Variants in LRCH1 observed in about 807,000 individuals in gnomAD.
LRCH1 encodes leucine rich repeats and calponin homology domain containing 1, also known as leucine-rich repeat and calponin homology domain-containing protein 1.
In LRCH1, 23 loss-of-function variants were observed where a neutral mutation model predicts 94.9. The ratio of observed to expected loss-of-function variants is 0.24; its 90% confidence interval spans 0.17 to 0.34. The LOEUF is 0.34. Among genes scored for constraint, LRCH1 ranks in the 10% least tolerant of loss-of-function variants. LRCH1 has a pLI of 1.00. For synonymous variants in LRCH1, 364 were observed against 354.9 expected, an observed-to-expected ratio of 1.03 and a Z score of -0.29; for missense variants, 790 against 945.9, an observed-to-expected ratio of 0.84 and a Z score of 2.16.
At chr13:46,718,831 A>G (rs573218348) in intron 16 of LRCH1, among the ~76,000 whole-genome samples, 2 of 152,252 alleles carry the variant, frequency 1.3e-5, no homozygotes, top group Non-Finnish European at 2.9e-5. Flanking sequence ...TGAGAGCTAC[A>G]TTTTAAAACT....
At chr13:46,713,607 T>C (rs1361047949) in intron 15 of LRCH1, among the ~76,000 whole-genome samples, 1 of 152,162 alleles carries the variant, frequency 6.6e-6, no homozygotes, top group African/African-American at 2.4e-5. Context: ...AAAAGCCATT[T>C]GAGAAAGTGC....
downstream of LRCH1, among the ~76,000 whole-genome samples, chr13:46,749,074 G>C (rs1874021301): frequency 6.6e-6 from 1 of 152,192 alleles, no homozygotes; most frequent in South Asian, 2.1e-4. Flanking sequence ...GGTTCCTCAA[G>C]CAAGTGTCAC....
chr13:46,734,596 A>G (rs1873279073), intron 19 of LRCH1, among the ~76,000 whole-genome samples: 1 of 152,204 alleles, frequency 6.6e-6, no homozygotes, highest in East Asian at 1.9e-4. Context: ...TCAATTACAT[A>G]TAGTTTGCTA....
rs550483974 is a variant in LRCH1 at position 46,564,493 on chromosome 13, G to A, written c.307+10790G>A. Among the ~76,000 whole-genome samples, 14 of 152,230 alleles carry A rather than the reference G, an allele frequency of 9.2e-5. No homozygotes were observed. In the East Asian group the frequency reaches 2.1e-3, roughly 23 times the overall value. On this transcript the variant is annotated intron_variant, in intron 1 of 19. Transcript: ENST00000389797. The stretch of plus-strand genomic sequence containing the variant: ...TAATTCTCTCCCCTCTGGCCATTCC[G>A]GCCAGGGGTCGGAGGTTCCCCACAC...
chr13:46,617,216 A>G (rs961837330), intron 1 of LRCH1, among the ~76,000 whole-genome samples: 4 of 152,114 alleles, frequency 2.6e-5, no homozygotes, highest in African/African-American at 9.7e-5. Flanking sequence ...GATGCTTTGG[A>G]TGGGAATAGC....
At chr13:46,558,598 A>AAAAAAAAAAT (rs2050094662) in intron 1 of LRCH1, among the ~76,000 whole-genome samples, 1 of 143,678 alleles carries the variant, frequency 7.0e-6, no homozygotes, top group Non-Finnish European at 1.5e-5. Flanking sequence ...AAAAAAAAAA[A>AAAAAAAAAAT]GCTGGGTTCC....
At chr13:46,649,642 C>T (rs9526210) in intron 1 of LRCH1, among the ~76,000 whole-genome samples, 78,854 of 151,718 alleles carry the variant, frequency 0.52, 21,049 homozygotes, top group East Asian at 0.62. Context: ...GTTATGGGTT[C>T]ATTTGTAAAG....
At chr13:46,579,444 C>T (rs1025393406) in intron 1 of LRCH1, among the ~76,000 whole-genome samples, 1 of 136,570 alleles carries the variant, frequency 7.3e-6, no homozygotes, top group African/African-American at 2.8e-5. Context: ...GTTATTTTTT[C>T]TTCCTTGGAA....
intron 17 of LRCH1, among the ~76,000 whole-genome samples, chr13:46,728,343 G>A (rs1382572551): frequency 1.3e-5 from 2 of 151,996 alleles, no homozygotes; most frequent in African/African-American, 4.8e-5. Flanking sequence ...AGCTTCCCAA[G>A]TAGCTGGGAT....
At chr13:46,736,118 C>CTGTGTGTGTGTGTGTGTGTGTG (rs3138585) in intron 19 of LRCH1, among the ~76,000 whole-genome samples, 2 of 142,212 alleles carry the variant, frequency 1.4e-5, no homozygotes, top group African/African-American at 5.2e-5. Flanking sequence ...CAAATTTGCT[C>CTGTGTGTGTGTGTGTGTGTGTG]TGTGTGTGTG....
At chr13:46,661,028 C>T (rs543438197) in intron 2 of LRCH1, among the ~76,000 whole-genome samples, 1 of 152,276 alleles carries the variant, frequency 6.6e-6, no homozygotes, top group East Asian at 1.9e-4. Context: ...GACCCCTTTC[C>T]TCCATTCATT....
intron 1 of LRCH1, among the ~76,000 whole-genome samples, chr13:46,644,811 C>T (rs970213789): frequency 6.6e-6 from 1 of 152,138 alleles, no homozygotes; most frequent in African/African-American, 2.4e-5. Flanking sequence ...TAATGTGTAG[C>T]CTGGCTCCTT....
In LRCH1 at chr13:46,578,823, A is replaced by G. The variant is rs113556473; in HGVS notation, c.307+25120A>G. ...TGCTTACATTGTGGGAGGGGGATGT[A>G]CAGGGTGTGTGGCCTTCATGCCAGA... On this transcript the variant is annotated intron_variant, in intron 1 of 19. Coordinates refer to ENST00000389797, the MANE Select transcript of LRCH1 (RefSeq NM_001164211.2). Among the ~76,000 whole-genome samples, 353 of 152,090 alleles carry G rather than the reference A, an allele frequency of 2.3e-3. 3 individuals are homozygous for G. The highest frequency in any genetic ancestry group is 8.4e-3 in the African/African-American group (347 of 41,478).
intron 16 of LRCH1, among the ~76,000 whole-genome samples, chr13:46,719,872 C>T (rs540219134): frequency 3.9e-5 from 6 of 152,144 alleles, no homozygotes; most frequent in Admixed American, 3.3e-4. Context: ...GTGGCAGGCA[C>T]CTGTAATCCC....
intron 1 of LRCH1, among the ~76,000 whole-genome samples, chr13:46,636,356 G>A (rs1447774438): frequency 6.6e-6 from 1 of 152,160 alleles, no homozygotes. Flanking sequence ...ACAGGCATGA[G>A]CCACTGCGCC....
intron 1 of LRCH1, among the ~76,000 whole-genome samples, chr13:46,565,347 G>A (rs551447262): frequency 1.2e-4 from 18 of 152,254 alleles, no homozygotes; most frequent in Middle Eastern, 3.4e-3. Context: ...TTGGGAGGAT[G>A]GTAGCATAGG....
intron 19 of LRCH1, among the ~76,000 whole-genome samples, chr13:46,740,353 C>T (rs1461576856): frequency 6.6e-6 from 1 of 152,192 alleles, no homozygotes; most frequent in Non-Finnish European, 1.5e-5. Flanking sequence ...AAGAGTATCT[C>T]TAACTTCATT....
intron 3 of LRCH1, among the ~76,000 whole-genome samples, chr13:46,679,189 A>G (rs1331045674): frequency 6.6e-6 from 1 of 152,232 alleles, no homozygotes; most frequent in African/African-American, 2.4e-5. Flanking sequence ...CCTGCCAACA[A>G]CATCACCCAA....
At position 46,743,757 on chromosome 13, in the gene LRCH1, G is replaced by C; in HGVS notation, c.*1909G>C. 1.0e-6 allele frequency: 1 copy of C among 984,800 alleles called. No homozygotes were observed. The highest frequency in any genetic ancestry group is 1.2e-6 in the Non-Finnish European group (1 of 829,526). 61.0% of individuals were successfully genotyped at this position (984,800 alleles called of 1,614,324 possible). On this transcript the variant is annotated 3_prime_UTR_variant, in exon 20 of 20. Transcript: ENST00000389797. Reference sequence around the variant, plus strand: ...GGGAAAAAAAAAAAGAAAACTTACTGGGTTGCCACCTTAAAATAATATCAA... The same window carrying C: ...GGGAAAAAAAAAAAGAAAACTTACTCGGTTGCCACCTTAAAATAATATCAA...
Sources: gnomAD v4.1 joint callset for allele counts (sites outside exome capture counted in the v4.1 genomes callset) on GRCh38, gnomAD v4.1.1 for gene constraint, MANE v1.5 for transcripts, NCBI Gene and HGNC (gene_info 2026-07-23, HGNC 2026-07-21) for gene names.